EFCAB6: variants seen among roughly 807,000 people sequenced by gnomAD.
EFCAB6 encodes the protein EF-hand calcium-binding domain-containing protein 6.
In EFCAB6, 156 loss-of-function variants were observed where a neutral mutation model predicts 169.8. The ratio of observed to expected loss-of-function variants is 0.92; its 90% confidence interval spans 0.81 to 1.05. The LOEUF (loss-of-function observed/expected upper bound fraction) is 1.05, where lower values mean the gene tolerates loss of function less well. EFCAB6 is among the 50% of genes least tolerant of loss of function. The pLI is 0.00. For missense variants in EFCAB6, 1,800 were observed against 1,829.1 expected (o/e 0.98, Z 0.29); for synonymous variants, 698 against 676.4 (o/e 1.03, Z -0.50).
At chr22:43,540,883 AT>A (rs1481302137) in intron 27 of EFCAB6, among the ~76,000 whole-genome samples, 3 of 152,196 alleles carry the variant, frequency 2.0e-5, no homozygotes, top group Non-Finnish European at 2.9e-5. Flanking sequence ...AAAGGGAGGC[AT>A]TTGGAAAACC....
intron 27 of EFCAB6, 111 bp from the exon 28 acceptor site, chr22:43,540,468 C>G (rs769830957): frequency 3.0e-5 from 47 of 1,573,178 alleles, no homozygotes; most frequent in Middle Eastern, 1.7e-4. Flanking sequence ...TGAGCACTCA[C>G]GTGACTGGTG....
At chr22:43,533,788 C>G (rs538181402) in intron 30 of EFCAB6, among the ~76,000 whole-genome samples, 4 of 152,078 alleles carry the variant, frequency 2.6e-5, no homozygotes, top group Non-Finnish European at 5.9e-5. Context: ...TTATCACATG[C>G]GTATAGAGAT....
In EFCAB6 at chr22:43,668,974, A is replaced by G; in HGVS notation, c.1712T>C (p.Ile571Thr). 2.5e-6 allele frequency: 4 copies of G among 1,613,360 alleles called. No individual in the cohort carries two copies. Among genetic ancestry groups the G allele is most frequent in the Non-Finnish European group, 3.4e-6 (4 of 1,179,662 alleles). ...LYKKLLACIG[I>T]DGPPTVSPVL... The stretch of plus-strand genomic sequence containing the variant: ...TGGAGAGACAGTGGGTGGGCCATCA[A>G]TTCCTATGCATGCCAAAAGTTTCTT... The change falls in exon 16 of 32, where the codon ATT becomes ACT. Residue 571 changes from isoleucine to threonine, a missense_variant. Transcript: ENST00000262726.
intron 27 of EFCAB6, chr22:43,553,240 C>G (rs189025134): frequency 6.6e-6 from 1 of 152,216 alleles, no homozygotes; most frequent in Non-Finnish European, 1.5e-5. Context: ...GACATTTCCA[C>G]GCAGTGTCTG....
chr22:43,713,088 C>A (rs2059216540), intron 9 of EFCAB6, among the ~76,000 whole-genome samples: 1 of 152,034 alleles, frequency 6.6e-6, no homozygotes, highest in Admixed American at 6.6e-5. Context: ...TAAATGTTTC[C>A]TTAGTCTTAA....
intron 20 of EFCAB6, among the ~76,000 whole-genome samples, chr22:43,624,703 G>C (rs2054373280): frequency 6.6e-6 from 1 of 152,112 alleles, no homozygotes; most frequent in African/African-American, 2.4e-5. Flanking sequence ...TTTCATACCT[G>C]TCTCATACTC....
intron 20 of EFCAB6, among the ~76,000 whole-genome samples, chr22:43,626,039 A>ATATG (rs1281027254): frequency 6.6e-6 from 1 of 152,210 alleles, no homozygotes. Context: ...AAAAATAAGT[A>ATATG]TATGTATGTA....
At chr22:43,550,486 A>G (rs927798308) in intron 27 of EFCAB6, among the ~76,000 whole-genome samples, 1 of 152,102 alleles carries the variant, frequency 6.6e-6, no homozygotes, top group African/African-American at 2.4e-5. Flanking sequence ...AGCCTAACCA[A>G]TATGGTGAAA....
At position 43,716,990 on chromosome 22, in the gene EFCAB6, C is replaced by G; in HGVS notation, c.758-18G>C. ...CGAGACCTCTGTTGAAACAAAATAGCTTCGGCTTATCAACATTGTCAAAGG... is the reference window on the plus strand; with the variant it reads ...CGAGACCTCTGTTGAAACAAAATAGGTTCGGCTTATCAACATTGTCAAAGG... On this transcript the variant is annotated intron_variant, in intron 8 of 31. Coordinates refer to ENST00000262726, the MANE Select transcript of EFCAB6 (RefSeq NM_022785.4). 1 of 1,479,698 alleles carries G rather than the reference C, an allele frequency of 6.8e-7. No homozygotes were observed. The highest frequency in any genetic ancestry group is 9.0e-7 in the Non-Finnish European group (1 of 1,114,486). The allele number at this position is 1,479,698 out of a possible 1,614,324, so 91.7% of individuals were successfully genotyped here.
intron 27 of EFCAB6, chr22:43,552,695 T>A (rs982631197): frequency 2.0e-5 from 3 of 152,164 alleles, no homozygotes; most frequent in African/African-American, 7.2e-5. Flanking sequence ...ATGGTGAAGT[T>A]TTCTTAGTGG....
At chr22:43,804,597 A>G (rs1281484018) in intron 2 of EFCAB6, among the ~76,000 whole-genome samples, 1 of 152,056 alleles carries the variant, frequency 6.6e-6, no homozygotes, top group East Asian at 1.9e-4. Context: ...CATTTCTACA[A>G]AAACTTTTTT....
chr22:43,709,879 A>T (rs1263458864), intron 10 of EFCAB6, among the ~76,000 whole-genome samples: 1 of 152,212 alleles, frequency 6.6e-6, no homozygotes, highest in African/African-American at 2.4e-5. Flanking sequence ...TATAAAAGCC[A>T]CAGCATTCGT....
chr22:43,770,855 A>G (rs955526037), intron 4 of EFCAB6, among the ~76,000 whole-genome samples: 7 of 152,104 alleles, frequency 4.6e-5, no homozygotes, highest in African/African-American at 1.7e-4. Flanking sequence ...GGAAGAGAAA[A>G]CTTTGAAACA....
intron 21 of EFCAB6, among the ~76,000 whole-genome samples, chr22:43,609,015 A>G (rs2053120095): frequency 6.6e-6 from 1 of 152,196 alleles, no homozygotes; most frequent in African/African-American, 2.4e-5. Context: ...TTATGACAAG[A>G]TTATATGGTA....
At chr22:43,605,121 G>C (rs938707249) in intron 22 of EFCAB6, among the ~76,000 whole-genome samples, 1 of 152,198 alleles carries the variant, frequency 6.6e-6, no homozygotes, top group Non-Finnish European at 1.5e-5. Flanking sequence ...CCTGTGCCTG[G>C]CCTTCCAACT....
intron 9 of EFCAB6, among the ~76,000 whole-genome samples, chr22:43,713,530 G>A (rs904228113): frequency 6.6e-6 from 1 of 152,164 alleles, no homozygotes; most frequent in African/African-American, 2.4e-5. Context: ...CGTGCTTCTG[G>A]TGGGAGTGTA....
At position 43,537,548 on chromosome 22, in the gene EFCAB6, A is replaced by C; in HGVS notation, c.3880-3T>G. On this transcript the variant is annotated splice_polypyrimidine_tract_variant and splice_region_variant and intron_variant, in intron 28 of 31. Coordinates refer to ENST00000262726, the MANE Select transcript of EFCAB6 (RefSeq NM_022785.4). The surrounding 1 kb of genome is among the most constrained non-coding windows in gnomAD (Gnocchi z 4.3). ...ATCACGGTGGTGCTCGCTGGAGTCTAGCAGGGAAGAAAAGAAAAGGCTCTT... is the reference window on the plus strand; with the variant it reads ...ATCACGGTGGTGCTCGCTGGAGTCTCGCAGGGAAGAAAAGAAAAGGCTCTT... The C allele has an allele frequency of 6.2e-7, 1 of 1,605,674 alleles. No individual in the cohort carries two copies. Among genetic ancestry groups the C allele is most frequent in the Non-Finnish European group, 8.5e-7 (1 of 1,175,392 alleles).
intron 9 of EFCAB6, chr22:43,716,647 A>G (rs2059340708): frequency 2.0e-6 from 1 of 502,416 alleles, no homozygotes; most frequent in African/African-American, 2.0e-5. Context: ...GTACTTAAAA[A>G]TTAATTTCAC....
intron 3 of EFCAB6, among the ~76,000 whole-genome samples, chr22:43,776,906 G>A (rs1032647515): frequency 6.6e-6 from 1 of 152,154 alleles, no homozygotes; most frequent in African/African-American, 2.4e-5. Context: ...ATGTGTTCTG[G>A]CTGCTATGTA....
Sources: allele counts gnomAD v4.1 joint callset (sites outside exome capture counted in the v4.1 genomes callset), GRCh38; gene constraint gnomAD v4.1.1; non-coding constraint Gnocchi (gnomAD v3.1); transcripts MANE v1.5; gene names NCBI Gene and HGNC (gene_info 2026-07-23, HGNC 2026-07-21).